Variants in HIBADH observed in about 807,000 individuals in gnomAD.
HIBADH encodes the protein 3-hydroxyisobutyrate dehydrogenase.
HIBADH carries 25 observed loss-of-function variants against 36.1 expected under a neutral mutation model. The ratio of observed to expected loss-of-function variants is 0.69; its 90% CI spans 0.50 to 0.97. The LOEUF is 0.97. HIBADH is among the 50% of genes least tolerant of loss of function. The pLI is 0.00. For synonymous variants in HIBADH, 160 were observed against 149.5 expected, an observed-to-expected ratio of 1.07 and a Z score of -0.51; for missense variants, 421 against 418.0, an observed-to-expected ratio of 1.01 and a Z score of -0.06.
intron 4 of HIBADH, among the ~76,000 whole-genome samples, chr7:27,591,284 G>A (rs1056654188): frequency 2.0e-5 from 3 of 152,196 alleles, no homozygotes; most frequent in Non-Finnish European, 4.4e-5. Context: ...GGGCGTGGTG[G>A]CTCACGCCTG....
At chr7:27,586,759 A>AC (rs1784870958) in intron 4 of HIBADH, among the ~76,000 whole-genome samples, 1 of 152,058 alleles carries the variant, frequency 6.6e-6, no homozygotes, top group Non-Finnish European at 1.5e-5. Context: ...AACAGTGACC[A>AC]CCTCGACTTT....
intron 7 of HIBADH, among the ~76,000 whole-genome samples, chr7:27,530,929 T>TGC (rs1029807229): frequency 2.6e-5 from 4 of 151,962 alleles, no homozygotes; most frequent in African/African-American, 9.6e-5. Context: ...TAAACCCAAG[T>TGC]GCGCACACAC....
chr7:27,563,588 C>T (rs1164591607), intron 4 of HIBADH, among the ~76,000 whole-genome samples: 1 of 152,192 alleles, frequency 6.6e-6, no homozygotes, highest in African/African-American at 2.4e-5. Flanking sequence ...GTTGCTGTAG[C>T]CATTCTATAA....
intron 4 of HIBADH, among the ~76,000 whole-genome samples, chr7:27,553,679 A>G (rs1784352229): frequency 6.6e-6 from 1 of 152,156 alleles, no homozygotes; most frequent in Non-Finnish European, 1.5e-5. Flanking sequence ...ATTCCTTGGC[A>G]TTCACCTCAG....
chr7:27,584,513 G>T (rs890555285), intron 4 of HIBADH, among the ~76,000 whole-genome samples: 1 of 151,972 alleles, frequency 6.6e-6, no homozygotes, highest in Non-Finnish European at 1.5e-5. Context: ...ACCCTCAGTT[G>T]CTTTCCTTGA....
At chr7:27,554,821 ATC>A (rs1321990623) in intron 4 of HIBADH, among the ~76,000 whole-genome samples, 1 of 152,212 alleles carries the variant, frequency 6.6e-6, no homozygotes, top group Non-Finnish European at 1.5e-5. Context: ...ACCAGGAATT[ATC>A]TCTTTCATGT....
intron 4 of HIBADH, among the ~76,000 whole-genome samples, chr7:27,603,393 A>C (rs1785164993): frequency 6.6e-6 from 1 of 152,094 alleles, no homozygotes; most frequent in Admixed American, 6.6e-5. Context: ...AATCATCTCT[A>C]TCTCTACAAT....
At chr7:27,553,717 C>G (rs1784352651) in intron 4 of HIBADH, among the ~76,000 whole-genome samples, 1 of 152,178 alleles carries the variant, frequency 6.6e-6, no homozygotes, top group Admixed American at 6.5e-5. Context: ...TGTCGGTTTA[C>G]AATAAAACAC....
At chr7:27,548,441 C>T (rs761707587) in intron 4 of HIBADH, among the ~76,000 whole-genome samples, 2 of 151,976 alleles carry the variant, frequency 1.3e-5, no homozygotes, top group Non-Finnish European at 2.9e-5. Context: ...AAGGAAAATA[C>T]ATATAGCTAA....
intron 2 of HIBADH, among the ~76,000 whole-genome samples, chr7:27,639,958 G>T (rs1286053480): frequency 6.6e-6 from 1 of 152,156 alleles, no homozygotes; most frequent in East Asian, 1.9e-4. Context: ...GAAATGCGTT[G>T]TGAGAAAAGA....
At chr7:27,596,586 G>T (rs1436291438) in intron 4 of HIBADH, among the ~76,000 whole-genome samples, 1 of 152,122 alleles carries the variant, frequency 6.6e-6, no homozygotes, top group African/African-American at 2.4e-5. Flanking sequence ...ATCTCTGCAA[G>T]AATATTCAGA....
chr7:27,560,162 C>T (rs1784444668), intron 4 of HIBADH, among the ~76,000 whole-genome samples: 1 of 152,182 alleles, frequency 6.6e-6, no homozygotes, highest in South Asian at 2.1e-4. Context: ...TGCTCTGTTG[C>T]CCAGGCTGGA....
intron 1 of HIBADH, 57 bp from the exon 2 acceptor site, chr7:27,649,690 T>C: frequency 7.1e-7 from 1 of 1,418,086 alleles, no homozygotes. Context: ...TTGTAAACAT[T>C]CATTTAATAT....
At chr7:27,558,572 C>T (rs1340337259) in intron 4 of HIBADH, among the ~76,000 whole-genome samples, 3 of 152,086 alleles carry the variant, frequency 2.0e-5, no homozygotes, top group Admixed American at 2.0e-4. Context: ...AGCAATCCAC[C>T]TGCGGTCCCA....
chr7:27,562,631 A>G (rs920450980), intron 4 of HIBADH, among the ~76,000 whole-genome samples: 2 of 152,206 alleles, frequency 1.3e-5, no homozygotes, highest in Non-Finnish European at 2.9e-5. Context: ...AGCTGGGACC[A>G]CAGGCACAAG....
At chr7:27,571,724 C>G (rs1784631766) in intron 4 of HIBADH, among the ~76,000 whole-genome samples, 1 of 151,884 alleles carries the variant, frequency 6.6e-6, no homozygotes. Context: ...TCTAAGATTC[C>G]TGGATTAAGG....
chr7:27,573,093 C>T (rs986554768), intron 4 of HIBADH, among the ~76,000 whole-genome samples: 6 of 152,072 alleles, frequency 3.9e-5, no homozygotes, highest in African/African-American at 1.2e-4. Flanking sequence ...CAAAAGCAAA[C>T]GCATAAAGGC....
chr7:27,564,880 G>A (rs924971294), intron 4 of HIBADH, among the ~76,000 whole-genome samples: 1 of 152,140 alleles, frequency 6.6e-6, no homozygotes, highest in Non-Finnish European at 1.5e-5. Context: ...TGAAACAAAT[G>A]TAAATAATAA....
rs1786454392 is a variant in HIBADH at position 27,662,854 on chromosome 7, G to A, written c.-66C>T. The A allele has an allele frequency of 4.8e-6, 6 of 1,262,874 alleles. No homozygotes were observed. The highest frequency in any genetic ancestry group is 3.4e-5 in the Admixed American group (1 of 29,376). The allele number at this position is 1,262,874 out of a possible 1,614,324, so 78.2% of individuals were successfully genotyped here. On this transcript the variant is annotated 5_prime_UTR_variant, in exon 1 of 8. The change creates a new upstream start codon in the 5' untranslated region. Transcript: ENST00000265395. ...CCCGGAGGGCCCACAGACTGCGAGC[G>A]TGTGCAGCGGGACTGGCTGGCTCGC...
Sources: allele counts gnomAD v4.1 joint callset (sites outside exome capture counted in the v4.1 genomes callset), GRCh38; gene constraint gnomAD v4.1.1; transcripts MANE v1.5; gene names NCBI Gene and HGNC (gene_info 2026-07-23, HGNC 2026-07-21).